The following CLYBL variants were observed in gnomAD, a reference collection of about 807,000 sequenced individuals.
CLYBL encodes citramalyl-CoA lyase, mitochondrial.
CLYBL carries 31 observed loss-of-function variants against 38.9 expected under a neutral mutation model. The observed-to-expected ratio is 0.80, with a 90% CI of 0.60 to 1.08. The LOEUF is 1.08. Among genes scored for constraint, CLYBL ranks in the 50% least tolerant of loss-of-function variants. CLYBL has a pLI of 0.00. For missense variants in CLYBL, 434 were observed against 411.6 expected, an observed-to-expected ratio of 1.05 and a Z score of -0.47; for synonymous variants, 171 against 158.6, an observed-to-expected ratio of 1.08 and a Z score of -0.59.
At chr13:99,903,657 CA>C (rs1378081564) in intron 8 of CLYBL, among the ~76,000 whole-genome samples, 1 of 152,162 alleles carries the variant, frequency 6.6e-6, no homozygotes, top group Non-Finnish European at 1.5e-5. Context: ...GAAGCAAACA[CA>C]ACTTTTCTAA....
intron 1 of CLYBL, among the ~76,000 whole-genome samples, chr13:99,737,634 A>G (rs923355937): frequency 2.6e-5 from 4 of 152,186 alleles, no homozygotes; most frequent in Non-Finnish European, 4.4e-5. Context: ...TAGAGGAGTC[A>G]TGTGCGCAAG....
rs1031550383 is a variant in CLYBL, at chr13:99,617,362, A to G, written c.62+10605A>G. Among the ~76,000 whole-genome samples the G allele has an allele frequency of 3.9e-5, 6 of 152,190 alleles. No individual in the cohort carries two copies. The East Asian group carries it at 1.2e-3, about 29-fold the overall frequency. On this transcript the variant is annotated intron_variant, in intron 1 of 8. Transcript: ENST00000339105. ...ATATGGTCATTAAAAACATCATTGCACACATATACTTTGTACCACTTTGGA... is the reference window on the plus strand; with the variant it reads ...ATATGGTCATTAAAAACATCATTGCGCACATATACTTTGTACCACTTTGGA...
chr13:99,639,015 A>G (rs1381768360), intron 1 of CLYBL, among the ~76,000 whole-genome samples: 1 of 152,150 alleles, frequency 6.6e-6, no homozygotes, highest in Non-Finnish European at 1.5e-5. Flanking sequence ...TCTCTTATGT[A>G]TGCTTTTTCA....
chr13:99,779,299 C>A (rs1450304436), intron 2 of CLYBL, among the ~76,000 whole-genome samples: 1 of 152,054 alleles, frequency 6.6e-6, no homozygotes, highest in African/African-American at 2.4e-5. Context: ...CCTGCCACCA[C>A]GCCCAGTTAA....
At chr13:99,906,598 A>T (rs2052700895) in intron 9 of CLYBL, among the ~76,000 whole-genome samples, 1 of 151,802 alleles carries the variant, frequency 6.6e-6, no homozygotes, top group Admixed American at 6.6e-5. Context: ...TAATTTTTGT[A>T]TTTTTAGTAG....
chr13:99,831,955 A>G (rs921471275), intron 2 of CLYBL, among the ~76,000 whole-genome samples: 6 of 152,206 alleles, frequency 3.9e-5, no homozygotes, highest in African/African-American at 1.4e-4. Flanking sequence ...TTTGGCCAGA[A>G]TTTCTTGGCC....
At chr13:99,693,333 C>A (rs999226794) in intron 1 of CLYBL, among the ~76,000 whole-genome samples, 2 of 152,178 alleles carry the variant, frequency 1.3e-5, no homozygotes, top group Admixed American at 1.3e-4. Context: ...CAGAATAAAA[C>A]TGACCAATGC....
At chr13:99,792,466 A>G (rs1275889035) in intron 2 of CLYBL, among the ~76,000 whole-genome samples, 1 of 152,176 alleles carries the variant, frequency 6.6e-6, no homozygotes, top group East Asian at 1.9e-4. Context: ...CAGAGTACTC[A>G]GGACAACCAG....
At chr13:99,799,812 C>A (rs370166648) in intron 2 of CLYBL, among the ~76,000 whole-genome samples, 15 of 152,252 alleles carry the variant, frequency 9.9e-5, no homozygotes, top group East Asian at 7.7e-4. Flanking sequence ...ATGTCAACAC[C>A]CTGGTTTTCT....
intron 1 of CLYBL, among the ~76,000 whole-genome samples, chr13:99,770,160 T>C (rs1454011642): frequency 6.8e-6 from 1 of 146,332 alleles, no homozygotes; most frequent in Non-Finnish European, 1.5e-5. Flanking sequence ...AGCTCACTGC[T>C]CACTGCAACC....
chr13:99,677,523 A>C (rs1374245501), intron 1 of CLYBL, among the ~76,000 whole-genome samples: 1 of 152,150 alleles, frequency 6.6e-6, no homozygotes, highest in Non-Finnish European at 1.5e-5. Flanking sequence ...TGAGTTCCCA[A>C]GTGCTTTTTT....
chr13:99,837,657 G>T (rs893461098), intron 2 of CLYBL, among the ~76,000 whole-genome samples: 1 of 152,120 alleles, frequency 6.6e-6, no homozygotes, highest in Admixed American at 6.5e-5. Context: ...TGCTCAAGGG[G>T]CTGCTGAGTT....
chr13:99,669,676 C>G (rs2139358525), intron 1 of CLYBL, among the ~76,000 whole-genome samples: 1 of 152,208 alleles, frequency 6.6e-6, no homozygotes, highest in Non-Finnish European at 1.5e-5. Context: ...CATGAAGATC[C>G]CTATTTTTAG....
chr13:99,704,282 T>C (rs1359757455), intron 1 of CLYBL, among the ~76,000 whole-genome samples: 2 of 152,216 alleles, frequency 1.3e-5, no homozygotes, highest in Non-Finnish European at 2.9e-5. Flanking sequence ...TTTCATTTTC[T>C]TTGTGGAAGT....
intron 2 of CLYBL, among the ~76,000 whole-genome samples, chr13:99,824,964 G>A (rs1205990368): frequency 2.0e-5 from 3 of 152,082 alleles, no homozygotes; most frequent in Non-Finnish European, 4.4e-5. Flanking sequence ...CTCTTCATTG[G>A]GCAGAGGCCT....
chr13:99,644,365 T>C (rs1274376031), intron 1 of CLYBL, among the ~76,000 whole-genome samples: 1 of 152,210 alleles, frequency 6.6e-6, no homozygotes, highest in Non-Finnish European at 1.5e-5. Context: ...TAAGACTATT[T>C]ATTTTAAAAA....
intron 1 of CLYBL, among the ~76,000 whole-genome samples, chr13:99,767,183 G>A (rs1399648882): frequency 6.6e-6 from 1 of 152,230 alleles, no homozygotes; most frequent in Non-Finnish European, 1.5e-5. Flanking sequence ...GGGGAATGTT[G>A]TTATGGATGT....
intron 1 of CLYBL, among the ~76,000 whole-genome samples, chr13:99,634,845 G>A (rs9517808): frequency 0.04 from 6,091 of 152,224 alleles, 139 homozygotes; most frequent in Middle Eastern, 0.12. Context: ...ACTGTGTCAC[G>A]TGACAAAGGC....
At chr13:99,847,892 C>T (rs1015434089) in intron 2 of CLYBL, among the ~76,000 whole-genome samples, 3 of 152,160 alleles carry the variant, frequency 2.0e-5, no homozygotes, top group Non-Finnish European at 4.4e-5. Context: ...CCCAATGGAA[C>T]GGAGCGTCAT....
Sources: allele counts gnomAD v4.1 joint callset (sites outside exome capture counted in the v4.1 genomes callset), GRCh38; gene constraint gnomAD v4.1.1; transcripts MANE v1.5; gene names NCBI Gene and HGNC (gene_info 2026-07-23, HGNC 2026-07-21).